The following ADGRB1 variants were observed in gnomAD, a reference collection of about 807,000 sequenced individuals.
ADGRB1 encodes adhesion G protein-coupled receptor B1.
ADGRB1 carries 36 observed loss-of-function variants against 175.7 expected under a neutral mutation model. The observed-to-expected ratio is 0.20, with a 90% confidence interval of 0.16 to 0.27. ADGRB1 has a LOEUF of 0.27. Among genes scored for constraint, ADGRB1 ranks in the 10% least tolerant of loss-of-function variants. The pLI is 1.00. For missense variants in ADGRB1, 1,731 were observed against 2,255.3 expected (o/e 0.77, Z 4.71); for synonymous variants, 1,054 against 979.4 (o/e 1.08, Z -1.42).
chr8:142,540,721 CG>C (rs1845220673), intron 27 of ADGRB1, among the ~76,000 whole-genome samples: 1 of 150,976 alleles, frequency 6.6e-6, no homozygotes, highest in African/African-American at 2.4e-5. Flanking sequence ...CGGGGTGGGG[CG>C]GCCTTGGGGA....
chr8:142,518,601 A>C (rs1441295588), intron 19 of ADGRB1, among the ~76,000 whole-genome samples: 3 of 152,116 alleles, frequency 2.0e-5, no homozygotes, highest in Admixed American at 1.3e-4. Context: ...TTAAGGCCCA[A>C]AGCCCCTGCT....
At chr8:142,475,429 G>T (rs55875009) in intron 2 of ADGRB1, 45 bp from the exon 3 acceptor site, 40 of 1,261,964 alleles carry the variant, frequency 3.2e-5, no homozygotes, top group Non-Finnish European at 4.0e-5. Context: ...TCCAGGCCAC[G>T]AGCCCCTGCC....
At chr8:142,488,663 G>C (rs1343676383) in intron 14 of ADGRB1, among the ~76,000 whole-genome samples, 156 bp downstream of exon 14, 1 of 152,120 alleles carries the variant, frequency 6.6e-6, no homozygotes, top group Non-Finnish European at 1.5e-5. Flanking sequence ...CCTCTCTGGG[G>C]CCAGGGCCTG....
intron 1 of ADGRB1, among the ~76,000 whole-genome samples, chr8:142,452,550 C>T (rs1478992011): frequency 6.6e-6 from 1 of 152,182 alleles, no homozygotes; most frequent in Non-Finnish European, 1.5e-5. Flanking sequence ...GGGACGCGGG[C>T]TCTGCTCTCG....
At position 142,539,377 on chromosome 8, in the gene ADGRB1, G is replaced by A. The variant is rs763974315; in HGVS notation, c.3670G>A (p.Asp1224Asn). The change falls in exon 27 of 31, where the codon GAC becomes AAC. Residue 1224 changes from aspartate (D) to asparagine (N), a missense_variant. By Grantham distance (23) the Asp-to-Asn change is conservative. Transcript: ENST00000517894. The part of the protein sequence containing the change: ...FQNGHAQLMT[D>N]FEKDVDLACR... ...CCCTGTTGTCTCTGTCCTACAGACCGACTTCGAGAAGGACGTGGATCTGGC... is the reference window on the plus strand; with the variant it reads ...CCCTGTTGTCTCTGTCCTACAGACCAACTTCGAGAAGGACGTGGATCTGGC... The A allele has an allele frequency of 3.8e-6, 6 of 1,591,784 alleles. No individual in the cohort carries two copies. The highest frequency in any genetic ancestry group is 1.1e-5 in the South Asian group (1 of 87,136).
In ADGRB1 at chr8:142,510,141, A is replaced by C. The variant is rs944461267; in HGVS notation, c.2676-791A>C. 3.9e-5 allele frequency among the ~76,000 whole-genome samples: 6 copies of C among 151,926 alleles called. No individual in the cohort carries two copies. Among genetic ancestry groups the C allele is most frequent in the African/African-American group, 9.7e-5 (4 of 41,368 alleles). ...GAGGAGGAGGTTGGGGGTGGAGAGG[A>C]GGAGGAGGGGTTTGCAGAGCAGGTC... On this transcript the variant is annotated intron_variant, in intron 17 of 30. Coordinates refer to ENST00000517894, the MANE Select transcript of ADGRB1 (RefSeq NM_001702.3). The surrounding 1 kb of genome is among the most constrained non-coding windows in gnomAD (Gnocchi z 6.3).
chr8:142,522,751 C>G (rs751614774), intron 22 of ADGRB1, 41 bp downstream of exon 22: 44 of 1,444,862 alleles, frequency 3.0e-5, no homozygotes, highest in Non-Finnish European at 3.6e-5. Context: ...GGCCACATGG[C>G]CCCCCAGAGA....
At chr8:142,539,330 G>C (rs772105493) in intron 26 of ADGRB1, 44 bp from the exon 27 acceptor site, 3 of 1,546,454 alleles carry the variant, frequency 1.9e-6, no homozygotes, top group Non-Finnish European at 2.6e-6. Flanking sequence ...ACACACCCCC[G>C]CTCCCAGAGG....
At chr8:142,530,809 C>A (rs56897444) in intron 24 of ADGRB1, among the ~76,000 whole-genome samples, 2 of 152,122 alleles carry the variant, frequency 1.3e-5, no homozygotes, top group Non-Finnish European at 2.9e-5. Flanking sequence ...AGCCTCTCCC[C>A]GCACCCCGGG....
intron 18 of ADGRB1, among the ~76,000 whole-genome samples, chr8:142,513,056 T>C (rs1172319152): frequency 6.6e-6 from 1 of 151,828 alleles, no homozygotes; most frequent in Non-Finnish European, 1.5e-5. Flanking sequence ...GCGCTTCTAG[T>C]GTTAGCCCAG....
Position 142,542,169 on chromosome 8 carries a change from A to G in ADGRB1, c.3935A>G (p.Asp1312Gly). 1.2e-6 allele frequency: 2 copies of G among 1,613,458 alleles called. No homozygotes were observed. Among genetic ancestry groups the G allele is most frequent in the Non-Finnish European group, 1.7e-6 (2 of 1,179,782 alleles). The change falls in exon 28 of 31, where the codon GAC (aspartate) becomes GGC (glycine). Residue 1312 changes from aspartate to glycine, a missense_variant. Asp to Gly is a moderately conservative substitution (Grantham distance 94). Around this residue, in one of 8 missense-constraint regions of ADGRB1, gnomAD observed 394 missense variants for 410.2 expected, o/e 0.96. Transcript: ENST00000517894. This position sits in a 1 kb window ranked among gnomAD's most constrained non-coding sequence, Gnocchi z 6.3. ...AACCACTCACTGACCCTCAAGAGGG[A>G]CAAGGCGCCCAAGTCCTCCTTCGTC... ...FPNHSLTLKRDKAPKSSFVGD... is the reference protein window; with the variant it reads ...FPNHSLTLKRGKAPKSSFVGD...
At chr8:142,535,188 G>A (rs1458437554) in intron 25 of ADGRB1, among the ~76,000 whole-genome samples, 1 of 152,216 alleles carries the variant, frequency 6.6e-6, no homozygotes, top group Non-Finnish European at 1.5e-5. Context: ...AATCCCCAAG[G>A]ACCAACTGAC....
rs79791258 is a variant in ADGRB1, at chr8:142,489,765, C to T, written c.2631+327C>T. 5.8e-3 allele frequency among the ~76,000 whole-genome samples: 878 copies of T among 152,288 alleles called. 2 individuals are homozygous for T. The highest frequency in any genetic ancestry group is 0.017 in the Middle Eastern group (5 of 294). ...CGTCCCATGACTTCTGGCCCCCTAA[C>T]GCCTGGCCACCAAGAAGCTGGGGGT... is the stretch of plus-strand genomic sequence containing the variant. On this transcript the variant is annotated intron_variant, in intron 16 of 30. Transcript: ENST00000517894.
At position 142,543,387 on chromosome 8, in the gene ADGRB1, C is replaced by A. The variant is rs372348331; in HGVS notation, c.4414-16C>A. On this transcript the variant is annotated splice_polypyrimidine_tract_variant and intron_variant, in intron 28 of 30. Coordinates refer to ENST00000517894, the MANE Select transcript of ADGRB1 (RefSeq NM_001702.3). The surrounding 1 kb of genome is among the most constrained non-coding windows in gnomAD (Gnocchi z 4.4). The stretch of plus-strand genomic sequence containing the variant: ...GGGACCCTTGGCGAATGTTCGCAAA[C>A]CCCTTCTCCCTGCAGCGGCGGAAGT... The A allele has an allele frequency of 1.2e-6, 2 of 1,613,680 alleles. No homozygotes were observed. Among genetic ancestry groups the A allele is most frequent in the Non-Finnish European group, 1.7e-6 (2 of 1,179,752 alleles).
intron 24 of ADGRB1, among the ~76,000 whole-genome samples, chr8:142,531,451 G>GAC (rs1844618146): frequency 6.6e-6 from 1 of 152,224 alleles, no homozygotes; most frequent in East Asian, 1.9e-4. Context: ...TCCCAGGCGT[G>GAC]GGGTGCACAG....
intron 17 of ADGRB1, among the ~76,000 whole-genome samples, chr8:142,500,550 C>T (rs931913240): frequency 2.6e-5 from 4 of 151,548 alleles, no homozygotes; most frequent in African/African-American, 7.3e-5. Flanking sequence ...GAGCCTCTTC[C>T]GCTCAGCACC....
At chr8:142,480,647 C>T (rs1438754887) in intron 9 of ADGRB1, among the ~76,000 whole-genome samples, 1 of 152,244 alleles carries the variant, frequency 6.6e-6, no homozygotes, top group Non-Finnish European at 1.5e-5. Flanking sequence ...CCATCTAAAC[C>T]AGCATCTGCA....
rs1845322280 is a variant in ADGRB1, at chr8:142,542,352, C to T, written c.4118C>T (p.Pro1373Leu). The change falls in exon 28 of 31, where the codon CCG (proline) becomes CTG (leucine). Residue 1373 changes from proline (P) to leucine (L), a missense_variant. Around this residue, in one of 8 missense-constraint regions of ADGRB1, gnomAD observed 394 missense variants for 410.2 expected, o/e 0.96. Transcript: ENST00000517894. This position sits in a 1 kb window ranked among gnomAD's most constrained non-coding sequence, Gnocchi z 6.3. ...TACAGCATCCACATTGACCAGATGC[C>T]GCAGACCCGCCTCATCCACCTCAGC... ...PKYSIHIDQM[P>L]QTRLIHLSTA... The T allele has an allele frequency of 1.9e-6, 3 of 1,569,928 alleles. No homozygotes were observed. Among genetic ancestry groups the T allele is most frequent in the Non-Finnish European group, 2.6e-6 (3 of 1,157,868 alleles).
At chr8:142,525,441 C>T (rs1431602789) in intron 23 of ADGRB1, among the ~76,000 whole-genome samples, 1 of 152,070 alleles carries the variant, frequency 6.6e-6, no homozygotes, top group African/African-American at 2.4e-5. Flanking sequence ...CCAGCAGCCC[C>T]TCCTGTCCTT....
Sources: allele counts gnomAD v4.1 joint callset (sites outside exome capture counted in the v4.1 genomes callset), GRCh38; gene constraint gnomAD v4.1.1; regional missense constraint gnomAD v4.1.1; non-coding constraint Gnocchi (gnomAD v3.1); transcripts MANE v1.5; gene names NCBI Gene and HGNC (gene_info 2026-07-23, HGNC 2026-07-21).